Variants in POLRMT observed in about 807,000 individuals in gnomAD.
POLRMT encodes RNA polymerase mitochondrial.
In POLRMT, 114 loss-of-function variants were observed where a neutral mutation model predicts 132.2. The observed-to-expected ratio is 0.86, with a 90% CI of 0.74 to 1.01. The LOEUF is 1.01. Among genes scored for constraint, POLRMT ranks in the 50% least tolerant of loss-of-function variants. The pLI, the probability that POLRMT is intolerant of heterozygous loss-of-function variation, is 0.00. For synonymous variants in POLRMT, 1,020 were observed against 773.4 expected (o/e 1.32, Z -5.29); for missense variants, 2,003 against 1,729.1 (o/e 1.16, Z -2.81).
intron 2 of POLRMT, 59 bp downstream of exon 2, chr19:632,775 T>C: frequency 7.1e-7 from 1 of 1,411,484 alleles, no homozygotes; most frequent in Non-Finnish European, 9.5e-7. Flanking sequence ...CTTTGCCTTT[T>C]CTCCCGGCAG....
intron 6 of POLRMT, among the ~76,000 whole-genome samples, 161 bp downstream of exon 6, chr19:623,293 G>A (rs1451166348): frequency 6.6e-6 from 1 of 152,236 alleles, no homozygotes; most frequent in East Asian, 1.9e-4. Flanking sequence ...ACCAGGGCAT[G>A]AGCAATTCAA....
chr19:623,740 C>G, intron 5 of POLRMT, 137 bp from the exon 6 acceptor site: 7 of 1,080,206 alleles, frequency 6.5e-6, no homozygotes, highest in Non-Finnish European at 9.3e-6. Context: ...CGGGGAAAGG[C>G]GGGCTGCGGG....
rs780641328 is a variant in POLRMT, at chr19:618,826, G to C, written c.3268-66C>G. On this transcript the variant is annotated intron_variant, in intron 15 of 20. Transcript: ENST00000588649. ...AGCACGGTGGTGGTACATTGAGGTG[G>C]TGGTACACTGGGGTAGTGGCACGCT... 3.3e-6 allele frequency: 5 copies of C among 1,517,098 alleles called. No homozygotes were observed. The African/African-American group carries it at 5.5e-5, about 17-fold the overall frequency. 94.0% of individuals were successfully genotyped at this position (1,517,098 alleles called of 1,614,324 possible).
chr19:628,538 G>A (rs746433766), intron 3 of POLRMT, among the ~76,000 whole-genome samples: 3 of 152,166 alleles, frequency 2.0e-5, no homozygotes, highest in African/African-American at 2.4e-5. Flanking sequence ...TTAATATTGC[G>A]ATATCTGTAT....
At chr19:627,830 C>G (rs1985130916) in intron 3 of POLRMT, among the ~76,000 whole-genome samples, 1 of 149,052 alleles carries the variant, frequency 6.7e-6, no homozygotes, top group Non-Finnish European at 1.5e-5. Flanking sequence ...GAGGCTGCGG[C>G]AGGGAGAATT....
intron 1 of POLRMT, 160 bp downstream of exon 1, chr19:633,265 C>T: frequency 2.1e-6 from 2 of 932,686 alleles, no homozygotes; most frequent in South Asian, 2.8e-5. Context: ...GAGCCTCAGT[C>T]GAAAAGCGGG....
rs563746524 is a variant in POLRMT, at chr19:617,315, C to G, written c.3652G>C (p.Asp1218His). The G allele has an allele frequency of 3.1e-6, 5 of 1,612,918 alleles. No homozygotes were observed. The highest frequency in any genetic ancestry group is 2.2e-5 in the South Asian group (2 of 91,068). ...LQAVPKPGAF[D>H]LEQVKRSTYF... ...GTGGAACGCTTCACCTGCTCCAGGT[C>G]GAAGGCCCCTGCGGAGGAAGCAGAG... is the stretch of plus-strand genomic sequence containing the variant. Residue 1218 changes from aspartate (D) to histidine (H), a missense_variant, in exon 21 of 21, where the codon GAC (aspartate) becomes CAC (histidine). By Grantham distance (81) the Asp-to-His change is moderately conservative. Transcript: ENST00000588649.
At chr19:620,851 G>A (rs1382025050) in intron 10 of POLRMT, among the ~76,000 whole-genome samples, 1 of 110,660 alleles carries the variant, frequency 9.0e-6, no homozygotes, top group Non-Finnish European at 1.9e-5. Context: ...GACGGGCAGG[G>A]GGCGCGGGGG....
At position 625,810 on chromosome 19, in the gene POLRMT, C is replaced by A. The variant is rs541853655; in HGVS notation, c.823-556G>T. Reference sequence around the variant, plus strand: ...CTCTGCCTCCCAGGTTCCAGCACTTCTCCTGCCTCAGCCTCCTGAGTAGCT... The same window carrying A: ...CTCTGCCTCCCAGGTTCCAGCACTTATCCTGCCTCAGCCTCCTGAGTAGCT... On this transcript the variant is annotated intron_variant, in intron 3 of 20. Transcript: ENST00000588649. Among the ~76,000 whole-genome samples, 9 of 152,176 alleles carry A rather than the reference C, an allele frequency of 5.9e-5. No individual in the cohort carries two copies. The East Asian group carries it at 1.7e-3, about 29-fold the overall frequency.
Position 622,614 on chromosome 19 carries a change from T to A in POLRMT, c.1594A>T (p.Lys532Ter). Residue 532 changes from lysine (K) to a stop codon, truncating the protein, a stop_gained, in exon 8 of 21, where the codon AAG becomes TAG. Transcript: ENST00000588649. LOFTEE classifies it high-confidence loss of function. ...QVQALQNHYR[K>*]YLCLLASDAE... ...TCGGAGGCCAGCAAGCAGAGGTACT[T>A]CCTGTAGTGGTTCTGCAGCGCCTGC... is the stretch of plus-strand genomic sequence containing the variant. 6 of 1,607,658 alleles carry A rather than the reference T, an allele frequency of 3.7e-6. No individual in the cohort carries two copies. Among genetic ancestry groups the A allele is most frequent in the Non-Finnish European group, 5.1e-6 (6 of 1,178,452 alleles).
At chr19:630,867 T>C (rs913030733) in intron 2 of POLRMT, among the ~76,000 whole-genome samples, 12 of 152,276 alleles carry the variant, frequency 7.9e-5, no homozygotes, top group African/African-American at 2.6e-4. Flanking sequence ...TTGTTGGAAA[T>C]CTATTGCTGG....
At chr19:625,021 A>G in intron 4 of POLRMT, 103 bp downstream of exon 4, 1 of 1,519,194 alleles carries the variant, frequency 6.6e-7, no homozygotes. Flanking sequence ...TGTGGCTGTC[A>G]GGCCCTCTGG....
At chr19:624,284 G>A (rs1984857187) in intron 5 of POLRMT, among the ~76,000 whole-genome samples, 1 of 152,108 alleles carries the variant, frequency 6.6e-6, no homozygotes, top group Non-Finnish European at 1.5e-5. Context: ...ATGGGGAGGG[G>A]ATGGGGAGTG....
At chr19:622,787 G>A (rs749765463) in intron 7 of POLRMT, 34 bp downstream of exon 7, 5 of 1,571,420 alleles carry the variant, frequency 3.2e-6, no homozygotes, top group East Asian at 4.8e-5. Flanking sequence ...TGCCCGCCCC[G>A]CCCGGGGACC....
intron 13 of POLRMT, 113 bp from the exon 14 acceptor site, chr19:619,409 G>C: frequency 7.3e-7 from 1 of 1,379,280 alleles, no homozygotes; most frequent in Non-Finnish European, 1.0e-6. Flanking sequence ...CAGGGGGGCA[G>C]GGGAATGGGG....
chr19:633,310 G>C, intron 1 of POLRMT, 115 bp downstream of exon 1: 1 of 1,260,692 alleles, frequency 7.9e-7, no homozygotes, highest in Admixed American at 3.4e-5. Context: ...GGGTCGGTGG[G>C]CTGCGCACGC....
Position 617,559 on chromosome 19 carries a change from G to T in POLRMT, c.3581+11C>A, listed in dbSNP as rs1984085320. 1.2e-6 allele frequency: 2 copies of T among 1,611,240 alleles called. No individual in the cohort carries two copies. Among genetic ancestry groups the T allele is most frequent in the South Asian group, 2.2e-5 (2 of 91,028 alleles). ...GGGAATCCAGGTAGTTGGGGTCAGG[G>T]AGCGCCTTACTCAGAGCAGAACCGC... is the stretch of plus-strand genomic sequence containing the variant. On this transcript the variant is annotated intron_variant, in intron 19 of 20. Coordinates refer to ENST00000588649, the MANE Select transcript of POLRMT (RefSeq NM_005035.4).
At chr19:633,148 C>T (rs913343258) in intron 1 of POLRMT, 3 of 591,338 alleles carry the variant, frequency 5.1e-6, no homozygotes, top group Non-Finnish European at 8.4e-6. Context: ...AGAGAGGGTT[C>T]CTCGCACTCG....
intron 1 of POLRMT, 111 bp from the exon 2 acceptor site, chr19:633,049 C>T (rs1024910280): frequency 2.6e-6 from 2 of 760,298 alleles, no homozygotes; most frequent in Non-Finnish European, 3.9e-6. Flanking sequence ...GCAGCGGAAA[C>T]TCTCGGAGCA....
Sources: allele counts gnomAD v4.1 joint callset (sites outside exome capture counted in the v4.1 genomes callset), GRCh38; gene constraint gnomAD v4.1.1; transcripts MANE v1.5; gene names NCBI Gene and HGNC (gene_info 2026-07-23, HGNC 2026-07-21).